ANO3: variants seen among roughly 807,000 people sequenced by gnomAD.
The protein encoded by ANO3 is anoctamin-3.
A neutral mutation model predicts 144.8 loss-of-function variants in ANO3; 99 were observed. The observed-to-expected ratio is 0.68, with a 90% confidence interval of 0.58 to 0.81. ANO3 has a LOEUF of 0.81. Ranked by LOEUF, ANO3 falls within the 30% of genes least tolerant of loss-of-function variation. The pLI is 0.00. For synonymous variants in ANO3, 414 were observed against 392.6 expected, an observed-to-expected ratio of 1.05 and a Z score of -0.64; for missense variants, 905 against 1,202.2, an observed-to-expected ratio of 0.75 and a Z score of 3.66.
chr11:26,385,827 A>G (rs1359474595), intron 1 of ANO3, among the ~76,000 whole-genome samples: 1 of 59,032 alleles, frequency 1.7e-5, no homozygotes, highest in East Asian at 3.1e-4. Flanking sequence ...ACACACATAC[A>G]CACACACACA....
chr11:26,383,934 G>C (rs1368062345), intron 1 of ANO3, among the ~76,000 whole-genome samples: 4 of 103,600 alleles, frequency 3.9e-5, no homozygotes, highest in Non-Finnish European at 6.9e-5. Context: ...ATCTCTCTCT[G>C]TTGCCCAGGC....
chr11:26,369,929 T>C (rs1425907723), intron 1 of ANO3, among the ~76,000 whole-genome samples: 1 of 152,140 alleles, frequency 6.6e-6, no homozygotes, highest in Non-Finnish European at 1.5e-5. Context: ...AAAAAGGAAA[T>C]GAAATCAAGC....
intron 1 of ANO3, among the ~76,000 whole-genome samples, chr11:26,433,956 G>A (rs1858205051): frequency 6.6e-6 from 1 of 152,158 alleles, no homozygotes; most frequent in Non-Finnish European, 1.5e-5. Context: ...TTTTTTGATA[G>A]TTTCAGTAGG....
At chr11:26,627,812 CTA>C (rs1318863064) in intron 18 of ANO3, among the ~76,000 whole-genome samples, 2 of 99,874 alleles carry the variant, frequency 2.0e-5, no homozygotes, top group Admixed American at 1.3e-4. Context: ...ATAATAGAAT[CTA>C]GTGTGTGTGT....
At chr11:26,416,636 AGGATGGTCTCGATC>A (rs1414136193) in intron 1 of ANO3, among the ~76,000 whole-genome samples, 1 of 151,988 alleles carries the variant, frequency 6.6e-6, no homozygotes, top group Non-Finnish European at 1.5e-5. Context: ...CATGTTGGCC[AGGATGGTCTCGATC>A]TCCTGACCTG....
Position 26,559,513 on chromosome 11 carries a change from A to T in ANO3, c.1387-206A>T, listed in dbSNP as rs927871181. ...AATCAAGAGAGGAGAGAAGAGGGCT[A>T]ATGTTGTTTCTTCACCTCTCCCCAT... On this transcript the variant is annotated intron_variant, in intron 13 of 26. Transcript: ENST00000256737. 6.6e-5 allele frequency: 36 copies of T among 545,186 alleles called. 1 individual carries two copies. The highest frequency in any genetic ancestry group is 4.9e-4 in the Middle Eastern group (1 of 2,032). The allele number at this position is 545,186 out of a possible 1,614,324, so 33.8% of individuals were successfully genotyped here. A position where few individuals can be genotyped will look rare whatever the true frequency, so the allele number is the denominator to read the frequency against.
intron 14 of ANO3, chr11:26,572,052 G>A (rs1191940700): frequency 3.0e-6 from 3 of 984,196 alleles, no homozygotes; most frequent in South Asian, 9.4e-5. Context: ...TTCAGGCTTA[G>A]GAGGTATTTA....
rs113288029 is a variant in ANO3 at position 26,293,636 on chromosome 11, G to A, written c.155-16009G>A. ...TAGAAGAAATCCATTAAAACGCAAA[G>A]ATCATTTTATGGAAATATATGGAGA... On this transcript the variant is annotated intron_variant, in intron 1 of 27. Coordinates refer to the ANO3 transcript ENST00000672621. Among the ~76,000 whole-genome samples, 804 of 143,798 alleles carry A rather than the reference G, an allele frequency of 5.6e-3. 4 individuals carry two copies. Among genetic ancestry groups the A allele is most frequent in the Middle Eastern group, 0.034 (9 of 262 alleles). The allele number at this position is 143,798 out of a possible 152,430, so 94.3% of individuals were successfully genotyped here.
rs1359423124 is a variant in ANO3, at chr11:26,662,115, T to C, written c.*1671T>C. The stretch of plus-strand genomic sequence containing the variant: ...ATTTTCTAAATATTAACACTGAAAA[T>C]GTTTTGTTAGCTTTTCCTTCTTTCT... On this transcript the variant is annotated 3_prime_UTR_variant, in exon 27 of 27. Coordinates refer to ENST00000256737, the MANE Select transcript of ANO3 (RefSeq NM_031418.4). 1 of 151,986 alleles carries C rather than the reference T, an allele frequency of 6.6e-6. No individual in the cohort carries two copies. Among genetic ancestry groups the C allele is most frequent in the Admixed American group, 6.6e-5 (1 of 15,208 alleles). The allele number at this position is 151,986 out of a possible 1,614,324, so 9.4% of individuals were successfully genotyped here.
intron 7 of ANO3, among the ~76,000 whole-genome samples, chr11:26,526,783 G>A (rs1388202612): frequency 6.6e-6 from 1 of 151,980 alleles, no homozygotes; most frequent in Non-Finnish European, 1.5e-5. Flanking sequence ...CTCTTCAACC[G>A]AGTCACATTT....
chr11:26,625,330 C>A (rs545261792), intron 18 of ANO3, among the ~76,000 whole-genome samples: 1 of 152,288 alleles, frequency 6.6e-6, no homozygotes, highest in South Asian at 2.1e-4. Context: ...CTATTGCCTT[C>A]CCATTATACA....
upstream of ANO3, among the ~76,000 whole-genome samples, chr11:26,306,201 C>G (rs1008244986): frequency 6.7e-6 from 1 of 148,972 alleles, no homozygotes; most frequent in Non-Finnish European, 1.5e-5. Context: ...GTCTCGATCT[C>G]CTGACCTCGT....
intron 1 of ANO3, among the ~76,000 whole-genome samples, chr11:26,199,043 T>G (rs1219251475): frequency 6.6e-6 from 1 of 152,058 alleles, no homozygotes; most frequent in Non-Finnish European, 1.5e-5. Context: ...AAATCCTAAT[T>G]AATAGCATTG....
intron 1 of ANO3, among the ~76,000 whole-genome samples, chr11:26,226,715 G>C (rs1852263960): frequency 6.6e-6 from 1 of 151,454 alleles, no homozygotes; most frequent in Non-Finnish European, 1.5e-5. Flanking sequence ...ATTTGATTTT[G>C]GTCTAATTTT....
At chr11:26,332,004 C>T (rs1855055568), upstream of ANO3, 1 of 889,490 alleles carries the variant, frequency 1.1e-6, no homozygotes. Context: ...TCAACGCCCA[C>T]CCCTCACTGT....
At chr11:26,546,013 T>TTATCTATATCATACTGATATAGATAATAC (rs1160059481) in intron 11 of ANO3, among the ~76,000 whole-genome samples, 2 of 151,976 alleles carry the variant, frequency 1.3e-5, no homozygotes, top group Non-Finnish European at 2.9e-5. Flanking sequence ...TAAAATATCA[T>TTATCTATATCATACTGATATAGATAATAC]TATCTATATC....
rs560270905 is a variant in ANO3 at position 26,213,257 on chromosome 11, C to G, written c.154+23927C>G. On this transcript the variant is annotated intron_variant, in intron 1 of 27. Transcript: ENST00000672621. ...ATGCCCTTTCTCCACTCCTATTCAA[C>G]ATAGTATTGGAAGTTTTGGCCAGGG... 4.6e-5 allele frequency among the ~76,000 whole-genome samples: 7 copies of G among 152,172 alleles called. No individual in the cohort carries two copies. In the South Asian group the frequency reaches 1.2e-3, roughly 27 times the overall value.
intron 1 of ANO3, among the ~76,000 whole-genome samples, chr11:26,202,448 C>T (rs1851715871): frequency 6.6e-6 from 1 of 150,592 alleles, no homozygotes; most frequent in African/African-American, 2.4e-5. Flanking sequence ...AGTGGGAAGA[C>T]AGCCACTTAA....
chr11:26,379,155 G>A (rs911131612), intron 1 of ANO3, among the ~76,000 whole-genome samples: 4 of 152,112 alleles, frequency 2.6e-5, no homozygotes, highest in Non-Finnish European at 4.4e-5. Context: ...GAACTGCTAC[G>A]AAGATTCTAA....
Sources: gnomAD v4.1 joint callset for allele counts (sites outside exome capture counted in the v4.1 genomes callset) on GRCh38, gnomAD v4.1.1 for gene constraint, MANE v1.5 for transcripts, NCBI Gene and HGNC (gene_info 2026-07-23, HGNC 2026-07-21) for gene names.